Variants in TBC1D22A observed in about 807,000 individuals in gnomAD.
TBC1D22A encodes TBC1 domain family member 22A.
A neutral mutation model predicts 60.2 loss-of-function variants in TBC1D22A; 38 were observed. That is an observed-to-expected ratio of 0.63 (90% CI 0.49 to 0.83). TBC1D22A has a LOEUF of 0.83. Ranked by LOEUF, TBC1D22A falls within the 40% of genes least tolerant of loss-of-function variation. The probability of loss-of-function intolerance (pLI) is 0.00; values close to 1 mark genes in which losing one functional copy is unlikely to be tolerated. For synonymous variants in TBC1D22A, 302 were observed against 281.7 expected (o/e 1.07, Z -0.72); for missense variants, 628 against 701.0 (o/e 0.90, Z 1.18).
chr22:46,897,637 TTTGTTTTTTTTTGTG>T lies in TBC1D22A; in HGVS notation c.900+2794_900+2808del, dbSNP rs2068748241. Among the ~76,000 whole-genome samples, 20 of 131,256 alleles carry T rather than the reference TTTGTTTTTTTTTGTG, an allele frequency of 1.5e-4. 1 individual carries two copies. The South Asian group carries it at 5.3e-3, about 35-fold the overall frequency. 86.1% of individuals were successfully genotyped at this position (131,256 alleles called of 152,430 possible). On this transcript the variant is annotated intron_variant, in intron 7 of 12. Transcript: ENST00000337137. ...GTTGTTTTTTTTTGTTTTGTTTCGT[TTTGTTTTTTTTTGTG>T]TTTTTTTTTTTTTTTTTAGTTCTAG... is the stretch of plus-strand genomic sequence containing the variant.
At chr22:46,994,568 G>A (rs550405221) in intron 9 of TBC1D22A, among the ~76,000 whole-genome samples, 14 of 152,344 alleles carry the variant, frequency 9.2e-5, no homozygotes, top group African/African-American at 3.1e-4. Context: ...GGAAGAGATC[G>A]CAGTCCCTCA....
chr22:46,996,237 T>C (rs1331067899), intron 9 of TBC1D22A, among the ~76,000 whole-genome samples: 1 of 152,200 alleles, frequency 6.6e-6, no homozygotes, highest in Non-Finnish European at 1.5e-5. Context: ...CTGCATTACC[T>C]GTGCCCTTAC....
chr22:46,989,786 C>CAATA (rs1555985813), intron 9 of TBC1D22A, among the ~76,000 whole-genome samples: 1 of 151,128 alleles, frequency 6.6e-6, no homozygotes, highest in Non-Finnish European at 1.5e-5. Flanking sequence ...CACACACACA[C>CAATA]AATAAATAAA....
At chr22:46,999,516 T>C (rs1170058566) in intron 10 of TBC1D22A, among the ~76,000 whole-genome samples, 2 of 152,096 alleles carry the variant, frequency 1.3e-5, no homozygotes, top group Admixed American at 1.3e-4. Flanking sequence ...AGACAGAATT[T>C]CTCGCGTTTG....
At chr22:46,771,848 GC>G (rs1212883102) in intron 1 of TBC1D22A, among the ~76,000 whole-genome samples, 1 of 151,988 alleles carries the variant, frequency 6.6e-6, no homozygotes, top group African/African-American at 2.4e-5. Context: ...ACCCGCCTCG[GC>G]CTCCCAGAGT....
chr22:47,159,763 C>G (rs1025298544), intron 12 of TBC1D22A, among the ~76,000 whole-genome samples: 3 of 150,698 alleles, frequency 2.0e-5, no homozygotes, highest in African/African-American at 7.3e-5. Flanking sequence ...CACTAAACAC[C>G]CACACCACAC....
chr22:46,862,455 T>A (rs1183427853), intron 4 of TBC1D22A, among the ~76,000 whole-genome samples: 1 of 152,160 alleles, frequency 6.6e-6, no homozygotes, highest in East Asian at 1.9e-4. Context: ...CCCTCTTGCT[T>A]CTGTTCTCAG....
chr22:46,966,269 C>T (rs1434525066), intron 8 of TBC1D22A, among the ~76,000 whole-genome samples: 1 of 152,156 alleles, frequency 6.6e-6, no homozygotes, highest in African/African-American at 2.4e-5. Context: ...TGCCCCATCA[C>T]CCTGTTCATT....
chr22:47,064,672 G>T (rs969811969), intron 11 of TBC1D22A, among the ~76,000 whole-genome samples: 1 of 152,184 alleles, frequency 6.6e-6, no homozygotes, highest in Non-Finnish European at 1.5e-5. Flanking sequence ...TCACCGTAAC[G>T]CAGGACCAGA....
At chr22:46,857,948 C>T (rs141689652) in intron 4 of TBC1D22A, among the ~76,000 whole-genome samples, 255 of 152,264 alleles carry the variant, frequency 1.7e-3, no homozygotes, top group African/African-American at 5.9e-3. Flanking sequence ...CATTCATGCA[C>T]ACGTTTTTGC....
At chr22:47,129,720 C>CAAA (rs1393138391) in intron 12 of TBC1D22A, among the ~76,000 whole-genome samples, 1 of 152,282 alleles carries the variant, frequency 6.6e-6, no homozygotes, top group East Asian at 1.9e-4. Context: ...TTTTAAAAAA[C>CAAA]AAAAATTTTT....
chr22:46,962,694 A>T (rs1569277862), intron 8 of TBC1D22A, among the ~76,000 whole-genome samples: 1 of 152,244 alleles, frequency 6.6e-6, no homozygotes, highest in Non-Finnish European at 1.5e-5. Flanking sequence ...TTCAAAGAGC[A>T]TGTTATAAAA....
chr22:47,017,403 G>A (rs898992772), intron 10 of TBC1D22A, among the ~76,000 whole-genome samples: 3 of 152,192 alleles, frequency 2.0e-5, no homozygotes, highest in African/African-American at 7.2e-5. Flanking sequence ...AGATGGGGTT[G>A]GGAGATGTGG....
chr22:46,839,564 A>G (rs190271252), intron 4 of TBC1D22A, among the ~76,000 whole-genome samples: 107 of 152,354 alleles, frequency 7.0e-4, no homozygotes, highest in African/African-American at 2.5e-3. Flanking sequence ...CAAAATTCCA[A>G]TGACATGTTT....
In TBC1D22A at chr22:47,028,220, C is replaced by T. The variant is rs779220761; in HGVS notation, c.1202-8851C>T. On this transcript the variant is annotated intron_variant, in intron 10 of 12. Transcript: ENST00000337137. This position sits in a 1 kb window ranked among gnomAD's most constrained non-coding sequence, Gnocchi z 4.4. The stretch of plus-strand genomic sequence containing the variant: ...TACCTCTCTAGAGATGAAAAGATTG[C>T]GTGCTGTGGCGTCAGATAAACACCA... Among the ~76,000 whole-genome samples the T allele has an allele frequency of 5.3e-5, 8 of 152,204 alleles. No homozygotes were observed. Among genetic ancestry groups the T allele is most frequent in the South Asian group, 2.1e-4 (1 of 4,828 alleles).
At chr22:47,116,940 C>G (rs529438386) in intron 12 of TBC1D22A, 1 of 152,686 alleles carries the variant, frequency 6.5e-6, no homozygotes, top group African/African-American at 2.4e-5. Flanking sequence ...GTTCTGCTCT[C>G]AAGGGGCAGG....
chr22:47,028,856 C>T lies in TBC1D22A; in HGVS notation c.1202-8215C>T, dbSNP rs758808293. Among the ~76,000 whole-genome samples, 13 of 152,190 alleles carry T rather than the reference C, an allele frequency of 8.5e-5. No individual in the cohort carries two copies. Among genetic ancestry groups the T allele is most frequent in the Non-Finnish European group, 1.6e-4 (11 of 68,032 alleles). Reference sequence around the variant, plus strand: ...ATTCTGTTTGTCCCCAAATGTGGGACACCACCGCACGATCCTGACACTAAC... The same window carrying T: ...ATTCTGTTTGTCCCCAAATGTGGGATACCACCGCACGATCCTGACACTAAC... On this transcript the variant is annotated intron_variant, in intron 10 of 12. Coordinates refer to ENST00000337137, the MANE Select transcript of TBC1D22A (RefSeq NM_014346.5). The surrounding 1 kb of genome is among the most constrained non-coding windows in gnomAD (Gnocchi z 4.4).
intron 11 of TBC1D22A, among the ~76,000 whole-genome samples, chr22:47,057,723 C>G (rs114666814): frequency 1.8e-4 from 28 of 152,172 alleles, no homozygotes; most frequent in Non-Finnish European, 2.5e-4. Context: ...TACTCACTAT[C>G]GCGAGAATAG....
chr22:46,866,492 G>A (rs2097359), intron 4 of TBC1D22A, among the ~76,000 whole-genome samples: 36,391 of 152,124 alleles, frequency 0.24, 4,559 homozygotes, highest in Admixed American at 0.3. Context: ...CCTGTCAAGC[G>A]GCAAGCAAAG....
Sources: allele counts gnomAD v4.1 joint callset (sites outside exome capture counted in the v4.1 genomes callset), GRCh38; gene constraint gnomAD v4.1.1; non-coding constraint Gnocchi (gnomAD v3.1); transcripts MANE v1.5; gene names NCBI Gene and HGNC (gene_info 2026-07-23, HGNC 2026-07-21).